The following SLC25A48 variants were observed in gnomAD, a reference collection of about 807,000 sequenced individuals.
SLC25A48 encodes the protein CTC-321K16.1.
In SLC25A48, 29 loss-of-function variants were observed where a neutral mutation model predicts 32.2. That is an observed-to-expected ratio of 0.90 (90% CI 0.67 to 1.23). SLC25A48 has a LOEUF of 1.23. SLC25A48 is among the 50% of genes most tolerant of loss of function. SLC25A48 has a pLI of 0.00. For missense variants in SLC25A48, 399 were observed against 422.7 expected (o/e 0.94, Z 0.49); for synonymous variants, 164 against 172.3 (o/e 0.95, Z 0.38).
Position 135,812,395 on chromosome 5 carries a change from T to C in SLC25A48, c.-520-128T>C, listed in dbSNP as rs1447731504. 7 of 152,206 alleles carry C rather than the reference T, an allele frequency of 4.6e-5. 1 individual carries two copies. Among genetic ancestry groups the C allele is most frequent in the Admixed American group, 4.6e-4 (7 of 15,270 alleles). The allele number at this position is 152,206 out of a possible 1,614,324, so 9.4% of individuals were successfully genotyped here. On this transcript the variant is annotated intron_variant, in intron 3 of 10. Transcript: ENST00000646290. ...TGTAGTCACCCTGCTGTGCTTAAGG[T>C]TTTTTTAAGTGAATTAATTTATAGA...
At chr5:135,745,797 A>G (rs1254239912) in intron 3 of SLC25A48, among the ~76,000 whole-genome samples, 1 of 152,174 alleles carries the variant, frequency 6.6e-6, no homozygotes, top group Non-Finnish European at 1.5e-5. Flanking sequence ...GGCGGTCAAC[A>G]CACTTCTGTT....
intron 2 of SLC25A48, among the ~76,000 whole-genome samples, chr5:135,631,355 G>A (rs997409806): frequency 1.3e-5 from 2 of 152,238 alleles, no homozygotes; most frequent in Non-Finnish European, 2.9e-5. Context: ...TGGGCTCAGA[G>A]TGCGCAGGTT....
chr5:135,748,758 G>A (rs1755701026), intron 3 of SLC25A48, among the ~76,000 whole-genome samples: 1 of 130,428 alleles, frequency 7.7e-6, no homozygotes, highest in South Asian at 2.4e-4. Flanking sequence ...AGTCTCTGTT[G>A]CCCAGGCTGG....
chr5:135,830,318 T>G (rs1001873194), upstream of SLC25A48, among the ~76,000 whole-genome samples: 7 of 152,132 alleles, frequency 4.6e-5, no homozygotes, highest in African/African-American at 9.7e-5. Flanking sequence ...GCAGCTGATA[T>G]CCCCGTGGCC....
intron 2 of SLC25A48, 62 bp downstream of exon 2, chr5:135,842,521 G>A (rs1759095008): frequency 1.4e-6 from 2 of 1,470,190 alleles, no homozygotes; most frequent in African/African-American, 1.4e-5. Context: ...CTGCCTCTGG[G>A]ACTATTCCTG....
intron 3 of SLC25A48, among the ~76,000 whole-genome samples, chr5:135,800,803 G>A (rs1318716629): frequency 6.6e-6 from 1 of 151,566 alleles, no homozygotes; most frequent in Non-Finnish European, 1.5e-5. Context: ...GGGAGTGGAT[G>A]ATAATACACC....
chr5:135,886,223 T>C (rs1259061061), intron 7 of SLC25A48, among the ~76,000 whole-genome samples: 1 of 152,074 alleles, frequency 6.6e-6, no homozygotes, highest in Non-Finnish European at 1.5e-5. Context: ...TGCTGGATAC[T>C]TGTTTTCCAG....
intron 3 of SLC25A48, among the ~76,000 whole-genome samples, chr5:135,669,171 A>G (rs1753593880): frequency 6.6e-6 from 1 of 152,202 alleles, no homozygotes; most frequent in African/African-American, 2.4e-5. Flanking sequence ...TGATGTGCCT[A>G]GGATAACATG....
At chr5:135,765,256 G>A (rs941282867) in intron 3 of SLC25A48, among the ~76,000 whole-genome samples, 1 of 151,654 alleles carries the variant, frequency 6.6e-6, no homozygotes, top group Non-Finnish European at 1.5e-5. Flanking sequence ...CGCAGGGTGT[G>A]TACACCCCCC....
chr5:135,766,929 C>T (rs1756247958), intron 3 of SLC25A48, among the ~76,000 whole-genome samples: 1 of 151,666 alleles, frequency 6.6e-6, no homozygotes, highest in Non-Finnish European at 1.5e-5. Context: ...TCATAATATC[C>T]AGGTGGTGAG....
intron 3 of SLC25A48, among the ~76,000 whole-genome samples, chr5:135,804,512 TGTGTGTGCACC>T (rs1757418853): frequency 6.6e-6 from 1 of 151,690 alleles, no homozygotes; most frequent in Non-Finnish European, 1.5e-5. Context: ...GTGTACACCC[TGTGTGTGCACC>T]AACTGTGATA....
intron 3 of SLC25A48, among the ~76,000 whole-genome samples, chr5:135,728,152 A>C (rs1755133532): frequency 6.6e-6 from 1 of 151,714 alleles, no homozygotes; most frequent in African/African-American, 2.4e-5. Context: ...GCTACTCAGG[A>C]GGCTGAGGCA....
intron 3 of SLC25A48, among the ~76,000 whole-genome samples, chr5:135,760,985 C>A (rs1326738817): frequency 6.6e-6 from 1 of 151,978 alleles, no homozygotes; most frequent in Non-Finnish European, 1.5e-5. Flanking sequence ...TCCATGAAAT[C>A]TTTTACTGAT....
rs543644176 is a variant in SLC25A48 at position 135,654,168 on chromosome 5, G to C, written c.-521+19212G>C. 8.5e-5 allele frequency among the ~76,000 whole-genome samples: 13 copies of C among 152,326 alleles called. No individual in the cohort carries two copies. In the East Asian group the frequency reaches 1.9e-3, roughly 23 times the overall value. ...TGAGTACGGGTTACTAGGTACAATA[G>C]TGCAAGAAGGCTGGATTTCTGGGCC... is the stretch of plus-strand genomic sequence containing the variant. On this transcript the variant is annotated intron_variant, in intron 3 of 10. Transcript: ENST00000646290.
At chr5:135,830,166 AGT>A (rs138224472), upstream of SLC25A48, among the ~76,000 whole-genome samples, 1,086 of 152,194 alleles carry the variant, frequency 7.1e-3, 15 homozygotes, top group African/African-American at 0.026. Flanking sequence ...ACATATACTG[AGT>A]GTGGCTGTCT....
chr5:135,597,989 G>T (rs949143763), intron 1 of SLC25A48, among the ~76,000 whole-genome samples: 3 of 150,476 alleles, frequency 2.0e-5, no homozygotes, highest in Admixed American at 6.6e-5. Context: ...GGGTGACAGA[G>T]TGAGACTCTG....
At chr5:135,760,544 T>A (rs981224931) in intron 3 of SLC25A48, among the ~76,000 whole-genome samples, 1 of 152,064 alleles carries the variant, frequency 6.6e-6, no homozygotes, top group Non-Finnish European at 1.5e-5. Context: ...ATTTTCAGAG[T>A]GGACTGCTCT....
intron 3 of SLC25A48, among the ~76,000 whole-genome samples, chr5:135,729,831 C>T (rs1755183054): frequency 6.6e-6 from 1 of 152,130 alleles, no homozygotes; most frequent in Non-Finnish European, 1.5e-5. Flanking sequence ...AGTAACTAGA[C>T]ATATCTTTGT....
chr5:135,774,859 A>T (rs1202944801), intron 3 of SLC25A48, among the ~76,000 whole-genome samples: 1 of 151,746 alleles, frequency 6.6e-6, no homozygotes, highest in African/African-American at 2.4e-5. Flanking sequence ...TGAGGTAAGG[A>T]GAGGAAGTTA....
Sources: allele counts gnomAD v4.1 joint callset (sites outside exome capture counted in the v4.1 genomes callset), GRCh38; gene constraint gnomAD v4.1.1; transcripts MANE v1.5; gene names NCBI Gene and HGNC (gene_info 2026-07-23, HGNC 2026-07-21).